The following OPCML variants were observed in gnomAD, a reference collection of about 807,000 sequenced individuals.
OPCML encodes opioid binding protein/cell adhesion molecule like, also known as opioid-binding protein/cell adhesion molecule.
Under a neutral mutation model 37.8 loss-of-function variants are expected in OPCML, and 13 were observed. The observed-to-expected ratio is 0.34, with a 90% CI of 0.22 to 0.55. The LOEUF is 0.55. OPCML is among the 20% of genes least tolerant of loss of function. The pLI is 0.91. For synonymous variants in OPCML, 176 were observed against 168.8 expected, an observed-to-expected ratio of 1.04 and a Z score of -0.33; for missense variants, 341 against 435.6, an observed-to-expected ratio of 0.78 and a Z score of 1.93.
chr11:132,827,779 A>G (rs1940443306), intron 2 of OPCML, among the ~76,000 whole-genome samples: 2 of 151,270 alleles, frequency 1.3e-5, no homozygotes, highest in African/African-American at 4.9e-5. Flanking sequence ...AGCTAGGACT[A>G]CAGGCGCATG....
chr11:132,573,904 A>G (rs944294899), intron 3 of OPCML, among the ~76,000 whole-genome samples: 12 of 151,906 alleles, frequency 7.9e-5, no homozygotes, highest in Admixed American at 3.3e-4. Context: ...TTCAATCTTC[A>G]TACTAGTTAT....
chr11:133,212,481 C>T lies in OPCML; in HGVS notation c.62-269471G>A, dbSNP rs1939403080. On this transcript the variant is annotated intron_variant, in intron 1 of 7. Coordinates refer to ENST00000524381, the MANE Select transcript of OPCML (RefSeq NM_001012393.5). This position sits in a 1 kb window ranked among gnomAD's most constrained non-coding sequence, Gnocchi z 4.9. ...GGTCAACCCCTCACCTTCCTCAAGT[C>T]TTTGCTCCATTGTCTCATCTTCCAG... is the stretch of plus-strand genomic sequence containing the variant. Among the ~76,000 whole-genome samples the T allele has an allele frequency of 1.3e-5, 2 of 152,330 alleles. No homozygotes were observed. The highest frequency in any genetic ancestry group is 2.1e-4 in the South Asian group (1 of 4,824).
intron 1 of OPCML, among the ~76,000 whole-genome samples, chr11:133,127,008 C>G (rs1949527617): frequency 6.6e-6 from 1 of 152,150 alleles, no homozygotes; most frequent in Non-Finnish European, 1.5e-5. Context: ...ACTGCATGGC[C>G]AGCTCTATTG....
rs976809519 is a variant in OPCML, at chr11:133,495,322, G to A, written c.61+36942C>T. Reference sequence around the variant, plus strand: ...CATTGATTGATTGGTATTTGGGTTGGTTCCACGATTTTGCAATTGTGAATT... The same window carrying A: ...CATTGATTGATTGGTATTTGGGTTGATTCCACGATTTTGCAATTGTGAATT... On this transcript the variant is annotated intron_variant, in intron 1 of 7. Transcript: ENST00000524381. Among the ~76,000 whole-genome samples the A allele has an allele frequency of 4.6e-5, 7 of 152,278 alleles. No homozygotes were observed. The South Asian group carries it at 1.5e-3, about 32-fold the overall frequency.
Position 132,415,731 on chromosome 11 carries a change from C to CT in OPCML, c.*4461dup, listed in dbSNP as rs2095936430. On this transcript the variant is annotated 3_prime_UTR_variant, in exon 8 of 8. Coordinates refer to ENST00000524381, the MANE Select transcript of OPCML (RefSeq NM_001012393.5). ...AGTCCACTCCACATTTCTTTGGACT[C>CT]TAAGTATTCTGCACCTGAAGGCTAA... is the stretch of plus-strand genomic sequence containing the variant. The CT allele has an allele frequency of 6.6e-6, 1 of 152,616 alleles. No homozygotes were observed. The highest frequency in any genetic ancestry group is 6.5e-5 in the Admixed American group (1 of 15,276). 9.5% of individuals were successfully genotyped at this position (152,616 alleles called of 1,614,324 possible).
At chr11:132,707,602 T>C (rs184496778) in intron 2 of OPCML, among the ~76,000 whole-genome samples, 275 of 152,262 alleles carry the variant, frequency 1.8e-3, no homozygotes, top group African/African-American at 6.5e-3. Flanking sequence ...TGAGAAATGG[T>C]TCAAAGGGGC....
intron 1 of OPCML, among the ~76,000 whole-genome samples, chr11:133,042,694 C>T (rs933237919): frequency 6.6e-6 from 1 of 152,118 alleles, no homozygotes; most frequent in Non-Finnish European, 1.5e-5. Flanking sequence ...TACGTTCTTC[C>T]AGGGAACCAC....
At chr11:133,099,434 C>CTTTTTTTTTTTTT (rs940124657) in intron 1 of OPCML, among the ~76,000 whole-genome samples, 1 of 119,102 alleles carries the variant, frequency 8.4e-6, no homozygotes, top group African/African-American at 2.8e-5. Context: ...GGCTAATTTT[C>CTTTTTTTTTTTTT]TTTTTTTCTT....
chr11:132,813,315 G>C (rs189889964), intron 2 of OPCML, among the ~76,000 whole-genome samples: 1 of 152,122 alleles, frequency 6.6e-6, no homozygotes, highest in Non-Finnish European at 1.5e-5. Context: ...TCTTTACAGC[G>C]ATAATTAGAA....
rs1171827615 is a variant in OPCML at position 132,953,947 on chromosome 11, T to A, written c.62-10937A>T. Among the ~76,000 whole-genome samples the A allele has an allele frequency of 2.0e-5, 3 of 152,260 alleles. No homozygotes were observed. The East Asian group carries it at 5.8e-4, about 29-fold the overall frequency. The stretch of plus-strand genomic sequence containing the variant: ...CATGACTGGCTGCTCCTTACGGGGC[T>A]GTACCCACTTCCTGCTAAAATGAAT... On this transcript the variant is annotated intron_variant, in intron 1 of 7. Transcript: ENST00000524381.
intron 1 of OPCML, among the ~76,000 whole-genome samples, chr11:133,522,215 T>C (rs555294897): frequency 6.6e-6 from 1 of 152,330 alleles, no homozygotes; most frequent in South Asian, 2.1e-4. Flanking sequence ...ATTCTCAGTA[T>C]AGATTTTCTC....
At chr11:132,664,179 C>G (rs1942122650) in intron 2 of OPCML, among the ~76,000 whole-genome samples, 1 of 152,134 alleles carries the variant, frequency 6.6e-6, no homozygotes, top group Non-Finnish European at 1.5e-5. Flanking sequence ...ATGTGCATAA[C>G]TTATAATTTC....
chr11:132,915,561 A>G (rs1260886011), intron 2 of OPCML, among the ~76,000 whole-genome samples: 2 of 152,194 alleles, frequency 1.3e-5, no homozygotes, highest in Admixed American at 1.3e-4. Flanking sequence ...ATTTGTATAG[A>G]TATGGACAAT....
chr11:132,703,941 G>A (rs61906442), intron 2 of OPCML, among the ~76,000 whole-genome samples: 8 of 152,154 alleles, frequency 5.3e-5, no homozygotes, highest in Admixed American at 2.0e-4. Context: ...TTGGTACTGG[G>A]GTCCACGGAA....
chr11:132,493,211 C>T (rs1000246631), intron 4 of OPCML, among the ~76,000 whole-genome samples: 2 of 152,126 alleles, frequency 1.3e-5, no homozygotes, highest in Admixed American at 1.3e-4. Flanking sequence ...TGTAGAACTA[C>T]GGTAGTGGTG....
intron 1 of OPCML, among the ~76,000 whole-genome samples, chr11:133,175,803 G>A (rs1255840201): frequency 1.3e-5 from 2 of 152,090 alleles, no homozygotes; most frequent in Non-Finnish European, 2.9e-5. Context: ...GCTGAGTGCT[G>A]TGAACCTCAG....
chr11:132,922,572 C>T (rs1944844216), intron 2 of OPCML, among the ~76,000 whole-genome samples: 1 of 152,088 alleles, frequency 6.6e-6, no homozygotes, highest in African/African-American at 2.4e-5. Flanking sequence ...TCCTGCTTCC[C>T]TTCCTTTCAG....
At chr11:133,531,268 C>T (rs1482301988) in intron 1 of OPCML, among the ~76,000 whole-genome samples, 1 of 152,164 alleles carries the variant, frequency 6.6e-6, no homozygotes, top group East Asian at 1.9e-4. Context: ...ATTAAGATGC[C>T]TTCAATTTTG....
chr11:133,458,523 CTGTGTGTGTATACACATATATACACG>C lies in OPCML; in HGVS notation c.61+73715_61+73740del, dbSNP rs1565645401. Among the ~76,000 whole-genome samples, 615 of 94,278 alleles carry C rather than the reference CTGTGTGTGTATACACATATATACACG, an allele frequency of 6.5e-3. 71 individuals carry two copies. Among genetic ancestry groups the C allele is most frequent in the African/African-American group, 0.03 (141 of 4,776 alleles). 61.9% of individuals were successfully genotyped at this position (94,278 alleles called of 152,430 possible). On this transcript the variant is annotated intron_variant, in intron 1 of 7. Transcript: ENST00000524381. Reference sequence around the variant, plus strand: ...GTGTGTGTATATACACATATATACACTGTGTGTGTATACACATATATACACGTGTGTGTGTATACACATATATACAC... The same window carrying C: ...GTGTGTGTATATACACATATATACACTGTGTGTGTATACACATATATACAC...
Sources: allele counts gnomAD v4.1 joint callset (sites outside exome capture counted in the v4.1 genomes callset), GRCh38; gene constraint gnomAD v4.1.1; non-coding constraint Gnocchi (gnomAD v3.1); transcripts MANE v1.5; gene names NCBI Gene and HGNC (gene_info 2026-07-23, HGNC 2026-07-21).